The following CELF2 variants were observed in gnomAD, a reference collection of about 807,000 sequenced individuals.
The protein encoded by CELF2 is CUGBP Elav-like family member 2.
In CELF2, 8 loss-of-function variants were observed where a neutral mutation model predicts 62.6. The observed-to-expected ratio is 0.13, with a 90% CI of 0.07 to 0.23. The LOEUF is 0.23. Ranked by LOEUF, CELF2 falls within the 10% of genes least tolerant of loss-of-function variation. CELF2 has a pLI of 1.00. For synonymous variants in CELF2, 258 were observed against 250.0 expected (o/e 1.03, Z -0.30); for missense variants, 333 against 671.0 (o/e 0.50, Z 5.56).
rs1398928187 is a variant in CELF2 at position 11,324,756 on chromosome 10, C to A, written c.1295-1080C>A. On this transcript the variant is annotated intron_variant, in intron 11 of 12. Transcript: ENST00000633077. The surrounding 1 kb of genome is among the most constrained non-coding windows in gnomAD (Gnocchi z 4.7). ...TATCCCCATTTTACTTTTCTTCATG[C>A]CACACAGACACCCTTCCCACATCTA... is the stretch of plus-strand genomic sequence containing the variant. 6.6e-6 allele frequency among the ~76,000 whole-genome samples: 1 copy of A among 152,172 alleles called. No homozygotes were observed. Among genetic ancestry groups the A allele is most frequent in the Non-Finnish European group, 1.5e-5 (1 of 68,038 alleles).
chr10:11,285,878 T>TGTGTG lies in CELF2; in HGVS notation c.842-2540_842-2539insGTGTG, dbSNP rs1491346882. Among the ~76,000 whole-genome samples, 47 of 105,092 alleles carry TGTGTG rather than the reference T, an allele frequency of 4.5e-4. No homozygotes were observed. The highest frequency in any genetic ancestry group is 2.1e-3 in the East Asian group (8 of 3,874). The allele number at this position is 105,092 out of a possible 152,430, so 68.9% of individuals were successfully genotyped here. A position where few individuals can be genotyped will look rare whatever the true frequency, so the allele number is the denominator to read the frequency against. ...GTGTGTGTGTGTGTGTGTGTGTGTG[T>TGTGTG]TTTTACATGGACTTGAAAATGAGTA... On this transcript the variant is annotated intron_variant, in intron 8 of 12. Transcript: ENST00000633077. This position sits in a 1 kb window ranked among gnomAD's most constrained non-coding sequence, Gnocchi z 4.3.
chr10:10,773,364 C>T, the CELF2 span, among the ~76,000 whole-genome samples: 6 of 152,228 alleles, frequency 3.9e-5, no homozygotes, highest in Non-Finnish European at 7.3e-5. Context: ...CAAACCCGAA[C>T]ACTTCAACTG....
intron 2 of CELF2, among the ~76,000 whole-genome samples, chr10:10,996,812 T>G (rs1224191733): frequency 2.0e-5 from 3 of 152,152 alleles, no homozygotes; most frequent in Non-Finnish European, 4.4e-5. Context: ...TCTCTTCCAC[T>G]GCAGTATCAT....
chr10:10,649,488 C>A, the CELF2 span, among the ~76,000 whole-genome samples: 1 of 151,984 alleles, frequency 6.6e-6, no homozygotes, highest in Non-Finnish European at 1.5e-5. Context: ...TCCCAAAACT[C>A]GTGTTATATG....
the CELF2 span, among the ~76,000 whole-genome samples, chr10:10,464,747 A>G: frequency 6.6e-6 from 1 of 152,208 alleles, no homozygotes; most frequent in African/African-American, 2.4e-5. Context: ...ACTAGTAATC[A>G]GTCCATAACA....
rs2049128981 is a variant in CELF2 at position 10,958,428 on chromosome 10, G to A, written c.89+38429G>A. Reference sequence around the variant, plus strand: ...CAAGATATTTTGCACCCCAACTTGGGATTCTCCAGAGCTAGCACAGGGAAT... The same window carrying A: ...CAAGATATTTTGCACCCCAACTTGGAATTCTCCAGAGCTAGCACAGGGAAT... On this transcript the variant is annotated intron_variant, in intron 2 of 13. Transcript: ENST00000636488. 1.3e-5 allele frequency among the ~76,000 whole-genome samples: 2 copies of A among 152,214 alleles called. 1 individual carries two copies. The highest frequency in any genetic ancestry group is 4.1e-4 in the South Asian group (2 of 4,832).
the CELF2 span, among the ~76,000 whole-genome samples, chr10:10,745,068 T>G: frequency 2.2e-4 from 32 of 144,510 alleles, no homozygotes; most frequent in African/African-American, 8.1e-4. Flanking sequence ...CCATGAAAGA[T>G]AGGCAGAACG....
chr10:11,279,717 T>G (rs1212753844), intron 8 of CELF2, among the ~76,000 whole-genome samples: 1 of 152,200 alleles, frequency 6.6e-6, no homozygotes, highest in Non-Finnish European at 1.5e-5. Flanking sequence ...TTAAATTAAA[T>G]TTTCATGCCC....
the CELF2 span, among the ~76,000 whole-genome samples, chr10:10,765,615 T>A: frequency 5.3e-5 from 8 of 152,076 alleles, no homozygotes; most frequent in African/African-American, 1.9e-4. Flanking sequence ...TGGCCAGCCT[T>A]AGTCTCTGAG....
At chr10:11,112,954 T>C (rs1215125601) in intron 1 of CELF2, among the ~76,000 whole-genome samples, 2 of 152,176 alleles carry the variant, frequency 1.3e-5, no homozygotes, top group Non-Finnish European at 2.9e-5. Context: ...ACACAGTGCA[T>C]TTCCACATGC....
chr10:10,510,421 C>G, the CELF2 span, among the ~76,000 whole-genome samples: 2 of 152,140 alleles, frequency 1.3e-5, no homozygotes, highest in African/African-American at 4.8e-5. Flanking sequence ...AACTGAACAG[C>G]GGGGGAATGA....
chr10:10,710,949 GT>G, the CELF2 span, among the ~76,000 whole-genome samples: 15 of 152,274 alleles, frequency 9.9e-5, no homozygotes, highest in African/African-American at 3.4e-4. Context: ...ATTAACTGTG[GT>G]TTTTAGAGTT....
At chr10:11,133,731 C>T (rs2059967573) in intron 1 of CELF2, among the ~76,000 whole-genome samples, 1 of 152,204 alleles carries the variant, frequency 6.6e-6, no homozygotes, top group African/African-American at 2.4e-5. Context: ...CGGCCCTTCC[C>T]AGCCTTGCAC....
the CELF2 span, among the ~76,000 whole-genome samples, chr10:10,661,862 T>C: frequency 2.0e-5 from 3 of 152,206 alleles, no homozygotes; most frequent in Non-Finnish European, 2.9e-5. Flanking sequence ...TTCAGCCTTA[T>C]TCTCATCCCA....
At chr10:10,544,078 G>A in the CELF2 span, among the ~76,000 whole-genome samples, 3 of 152,184 alleles carry the variant, frequency 2.0e-5, no homozygotes, top group African/African-American at 7.2e-5. Flanking sequence ...AGTAGAACAC[G>A]GATTTAGAGG....
At chr10:10,951,410 TAC>T (rs2048305755) in intron 2 of CELF2, among the ~76,000 whole-genome samples, 1 of 152,126 alleles carries the variant, frequency 6.6e-6, no homozygotes, top group Non-Finnish European at 1.5e-5. Context: ...GCACTGAGAT[TAC>T]AGTCATGAGT....
the CELF2 span, among the ~76,000 whole-genome samples, chr10:10,577,847 T>A: frequency 6.6e-6 from 1 of 152,164 alleles, no homozygotes; most frequent in Non-Finnish European, 1.5e-5. Context: ...TATAGCAGCA[T>A]GATTTATAGT....
rs547824456 is a variant in CELF2 at position 11,246,845 on chromosome 10, C to T, written c.355-2308C>T. 4.6e-5 allele frequency among the ~76,000 whole-genome samples: 7 copies of T among 152,212 alleles called. No homozygotes were observed. Among genetic ancestry groups the T allele is most frequent in the Non-Finnish European group, 8.8e-5 (6 of 68,024 alleles). On this transcript the variant is annotated intron_variant, in intron 3 of 12. Transcript: ENST00000633077. This position sits in a 1 kb window ranked among gnomAD's most constrained non-coding sequence, Gnocchi z 4.6. ...TTCTCTGTGGCCCTGGCCCGTCTCT[C>T]GAGCCTGAGCCCCATGATTACAACT...
At chr10:11,226,504 C>T (rs964657271) in intron 3 of CELF2, among the ~76,000 whole-genome samples, 1 of 152,196 alleles carries the variant, frequency 6.6e-6, no homozygotes, top group Admixed American at 6.5e-5. Context: ...AGATGTGGAA[C>T]AGCAGGACCA....
Sources: gnomAD v4.1 joint callset for allele counts (sites outside exome capture counted in the v4.1 genomes callset) on GRCh38, gnomAD v4.1.1 for gene constraint, Gnocchi (gnomAD v3.1) non-coding constraint, MANE v1.5 for transcripts, NCBI Gene and HGNC (gene_info 2026-07-23, HGNC 2026-07-21) for gene names.